Variants in LAMA3 observed in about 807,000 individuals in gnomAD.
LAMA3 encodes the protein laminin subunit alpha-3.
A neutral mutation model predicts 402.0 loss-of-function variants in LAMA3; 281 were observed. The ratio of observed to expected loss-of-function variants is 0.70; its 90% confidence interval spans 0.63 to 0.77. The LOEUF is 0.77. Ranked by LOEUF, LAMA3 falls within the 30% of genes least tolerant of loss-of-function variation. The pLI is 0.00. For synonymous variants in LAMA3, 1,431 were observed against 1,558.4 expected (o/e 0.92, Z 1.93); for missense variants, 3,840 against 4,215.5 (o/e 0.91, Z 2.47).
intron 12 of LAMA3, among the ~76,000 whole-genome samples, chr18:23,804,584 TC>T (rs2062926933): frequency 6.6e-6 from 1 of 152,172 alleles, no homozygotes; most frequent in Non-Finnish European, 1.5e-5. Flanking sequence ...GTGATCAAGA[TC>T]CCTGTGACCT....
intron 31 of LAMA3, 115 bp from the exon 32 acceptor site, chr18:23,847,349 A>G (rs761045860): frequency 2.7e-5 from 30 of 1,122,806 alleles, no homozygotes; most frequent in Non-Finnish European, 3.9e-5. Context: ...TTTCAGATCC[A>G]AATATTTCTC....
intron 55 of LAMA3, among the ~76,000 whole-genome samples, chr18:23,911,770 G>A (rs2043023): frequency 0.96 from 140,829 of 147,090 alleles, 67,571 homozygotes; most frequent in East Asian, 1. Flanking sequence ...TAATATATAA[G>A]TATAAATTTA....
chr18:23,887,236 G>A (rs867044029), intron 41 of LAMA3, among the ~76,000 whole-genome samples: 8 of 152,158 alleles, frequency 5.3e-5, no homozygotes, highest in Non-Finnish European at 1.0e-4. Flanking sequence ...TTAAAATAGC[G>A]AGAGATGGGA....
At chr18:23,797,766 C>T (rs539961126) in intron 12 of LAMA3, among the ~76,000 whole-genome samples, 13 of 152,112 alleles carry the variant, frequency 8.5e-5, no homozygotes, top group Non-Finnish European at 1.5e-4. Flanking sequence ...TAAAACCCTT[C>T]TAAGCTGCTT....
intron 38 of LAMA3, among the ~76,000 whole-genome samples, chr18:23,872,396 T>C (rs2064553096): frequency 6.6e-6 from 1 of 152,196 alleles, no homozygotes; most frequent in Non-Finnish European, 1.5e-5. Context: ...TAAGTATGTC[T>C]TTTCTTAAAG....
intron 5 of LAMA3, among the ~76,000 whole-genome samples, chr18:23,752,251 C>T (rs918769139): frequency 1.7e-4 from 26 of 152,198 alleles, no homozygotes; most frequent in Middle Eastern, 3.4e-3. Flanking sequence ...TAAACTATAG[C>T]CGGGCTGTGT....
intron 12 of LAMA3, among the ~76,000 whole-genome samples, chr18:23,806,054 T>C (rs1256315869): frequency 6.6e-6 from 1 of 152,218 alleles, no homozygotes; most frequent in Non-Finnish European, 1.5e-5. Flanking sequence ...CCCAGCTGTT[T>C]CACTTCCAGG....
chr18:23,809,148 G>C (rs569626710), intron 12 of LAMA3, among the ~76,000 whole-genome samples: 4 of 152,222 alleles, frequency 2.6e-5, no homozygotes, highest in Non-Finnish European at 4.4e-5. Context: ...CATTTCGGCT[G>C]TGCGAAGCAT....
intron 23 of LAMA3, among the ~76,000 whole-genome samples, chr18:23,828,162 TTC>T (rs2063422164): frequency 6.6e-6 from 1 of 152,200 alleles, no homozygotes; most frequent in African/African-American, 2.4e-5. Flanking sequence ...CTCTGTAACA[TTC>T]TCTGTTTTGT....
At chr18:23,892,281 G>A (rs1325098606) in intron 42 of LAMA3, among the ~76,000 whole-genome samples, 1 of 152,140 alleles carries the variant, frequency 6.6e-6, no homozygotes, top group African/African-American at 2.4e-5. Context: ...ACAAAAATCA[G>A]CAACATGAAA....
intron 12 of LAMA3, among the ~76,000 whole-genome samples, chr18:23,807,067 C>A (rs762440895): frequency 3.3e-5 from 5 of 152,174 alleles, no homozygotes; most frequent in African/African-American, 9.7e-5. Context: ...CACATCACAC[C>A]GATGACTATC....
rs1568152658 is a variant in LAMA3, at chr18:23,758,457, T to C, written c.1009T>C (p.Tyr337His). Reference protein sequence around the residue: ...GETCDRCCTGYNQRRWRPAAW... With the variant: ...GETCDRCCTGHNQRRWRPAAW... Reference sequence around the variant, plus strand: ...GACGTGTGATCGCTGCTGCACAGGGTACAATCAGAGGCGCTGGCGGCCCGC... The same window carrying C: ...GACGTGTGATCGCTGCTGCACAGGGCACAATCAGAGGCGCTGGCGGCCCGC... Residue 337 changes from tyrosine (Y) to histidine (H), a missense_variant, in exon 7 of 75, where the codon TAC becomes CAC. By Grantham distance (83) the Tyr-to-His change is moderately conservative. Around this residue, in one of 3 missense-constraint regions of LAMA3, gnomAD observed 2,109 missense variants for 2,376.0 expected, o/e 0.89. Transcript: ENST00000313654. The C allele has an allele frequency of 6.2e-7, 1 of 1,614,154 alleles. No homozygotes were observed. Among genetic ancestry groups the C allele is most frequent in the Admixed American group, 1.7e-5 (1 of 60,030 alleles).
chr18:23,700,485 T>A (rs1016655832), intron 1 of LAMA3, among the ~76,000 whole-genome samples: 20 of 152,154 alleles, frequency 1.3e-4, no homozygotes, highest in African/African-American at 4.8e-4. Flanking sequence ...TACAGTGTCA[T>A]AATTAAGAGT....
intron 37 of LAMA3, 94 bp from the exon 38 acceptor site, chr18:23,871,337 C>T (rs1271031993): frequency 1.0e-6 from 1 of 953,678 alleles, no homozygotes; most frequent in Non-Finnish European, 1.7e-6. Flanking sequence ...TTTTAAGTGT[C>T]TTGTTTTTGA....
chr18:23,928,111 G>T lies in LAMA3; in HGVS notation c.8178-12G>T, dbSNP rs374252895. The stretch of plus-strand genomic sequence containing the variant: ...TGATCCATCTCTTCCTTTTATCTGT[G>T]TTCGTAATCAGATTTAACATTTCTA... On this transcript the variant is annotated splice_polypyrimidine_tract_variant and intron_variant, in intron 62 of 74. Coordinates refer to ENST00000313654, the MANE Select transcript of LAMA3 (RefSeq NM_198129.4). 6.4e-7 allele frequency: 1 copy of T among 1,573,278 alleles called. No individual in the cohort carries two copies. The highest frequency in any genetic ancestry group is 1.3e-5 in the African/African-American group (1 of 74,172).
chr18:23,703,591 T>C (rs891170356), intron 1 of LAMA3, among the ~76,000 whole-genome samples: 2 of 152,202 alleles, frequency 1.3e-5, no homozygotes, highest in Admixed American at 6.5e-5. Context: ...TGTATACATA[T>C]GTAACAAACC....
intron 17 of LAMA3, 127 bp downstream of exon 17, chr18:23,815,700 TC>T: frequency 1.3e-6 from 1 of 748,928 alleles, no homozygotes; most frequent in African/African-American, 1.7e-5. Context: ...AAACATTCTG[TC>T]CAGGGAATTT....
chr18:23,884,874 G>A (rs750043637), intron 41 of LAMA3, 21 bp downstream of exon 41: 12 of 1,585,662 alleles, frequency 7.6e-6, no homozygotes, highest in East Asian at 4.5e-5. Flanking sequence ...CGCCCCTCCC[G>A]CCTCAGCCTG....
At position 23,903,097 on chromosome 18, in the gene LAMA3, C is replaced by T. The variant is rs763137413; in HGVS notation, c.6290C>T (p.Ala2097Val). ...ADSSLLQTNI[A>V]LQLMEKSQKE... is the part of the protein sequence containing the mutation. ...TCATCTTTGTTGCAAACCAACATTGCGCTGCAGCTGATGGAGAAAAGCCAG... is the reference window on the plus strand; with the variant it reads ...TCATCTTTGTTGCAAACCAACATTGTGCTGCAGCTGATGGAGAAAAGCCAG... The change falls in exon 49 of 75, where the codon GCG becomes GTG. Residue 2097 changes from alanine to valine, a missense_variant. Ala to Val is a moderately conservative substitution (Grantham distance 64). Transcript: ENST00000313654. The T allele has an allele frequency of 6.1e-5, 98 of 1,609,788 alleles. No individual in the cohort carries two copies. The highest frequency in any genetic ancestry group is 4.8e-4 in the South Asian group (44 of 91,006).
Sources: gnomAD v4.1 joint callset for allele counts (sites outside exome capture counted in the v4.1 genomes callset) on GRCh38, gnomAD v4.1.1 for gene constraint, gnomAD v4.1.1 regional missense constraint, MANE v1.5 for transcripts, NCBI Gene and HGNC (gene_info 2026-07-23, HGNC 2026-07-21) for gene names.